The following ACACB variants were observed in gnomAD, a reference collection of about 807,000 sequenced individuals.
ACACB encodes acetyl-CoA carboxylase beta.
A neutral mutation model predicts 278.8 loss-of-function variants in ACACB; 209 were observed. The observed-to-expected ratio is 0.75, with a 90% CI of 0.67 to 0.84. ACACB has a LOEUF of 0.84. ACACB is among the 40% of genes least tolerant of loss of function. The pLI, the probability that ACACB is intolerant of heterozygous loss-of-function variation, is 0.00. For synonymous variants in ACACB, 1,174 were observed against 1,285.6 expected (o/e 0.91, Z 1.86); for missense variants, 2,850 against 3,269.0 (o/e 0.87, Z 3.13).
At chr12:109,114,946 C>T (rs2042374645), upstream of ACACB, among the ~76,000 whole-genome samples, 1 of 152,088 alleles carries the variant, frequency 6.6e-6, no homozygotes, top group South Asian at 2.1e-4. Context: ...TTTCTATTAC[C>T]GTTCTTGTGT....
rs1391174151 is a variant in ACACB, at chr12:109,232,793, G to A, written c.4126G>A (p.Glu1376Lys). ...AGCCATGGTAGCCTTCAGGAGATTC[G>A]AGGACTTCACCAGGTACCCAGCATG... Reference protein sequence around the residue: ...MGAMVAFRRFEDFTRNFDEVI... With the variant: ...MGAMVAFRRFKDFTRNFDEVI... The change falls in exon 29 of 53, where the codon GAG (glutamate) becomes AAG (lysine). Residue 1376 changes from glutamate (E) to lysine (K), a missense_variant. By Grantham distance (56) the Glu-to-Lys change is moderately conservative. This residue lies in a region of ACACB where 2,265 missense variants were observed against 2,561.3 expected (regional missense o/e 0.88). Transcript: ENST00000338432. The A allele has an allele frequency of 1.5e-5, 24 of 1,614,046 alleles. No individual in the cohort carries two copies. The highest frequency in any genetic ancestry group is 1.9e-5 in the Non-Finnish European group (23 of 1,180,024).
At chr12:109,191,518 C>T in intron 13 of ACACB, 95 bp from the exon 14 acceptor site, 2 of 1,525,774 alleles carry the variant, frequency 1.3e-6, no homozygotes, top group Non-Finnish European at 8.9e-7. Flanking sequence ...CCGGCCACTC[C>T]TGTGCTTTTC....
Position 109,167,834 on chromosome 12 carries a change from G to A in ACACB, c.787-62G>A. 2.5e-6 allele frequency: 4 copies of A among 1,611,174 alleles called. No homozygotes were observed. In the African/African-American group the frequency reaches 4.0e-5, roughly 16 times the overall value. On this transcript the variant is annotated intron_variant, in intron 3 of 52. Coordinates refer to ENST00000338432, the MANE Select transcript of ACACB (RefSeq NM_001093.4). ...GCAGCTGTGAGGTGGACTCGGGGTA[G>A]CACGTGGCCCCCAGCGCAGGTAGAT...
intron 11 of ACACB, among the ~76,000 whole-genome samples, chr12:109,180,904 A>G (rs1468292935): frequency 6.6e-6 from 1 of 152,218 alleles, no homozygotes; most frequent in East Asian, 1.9e-4. Context: ...ACTATATCAA[A>G]TAGCAGGCCG....
At chr12:109,245,896 C>T in intron 38 of ACACB, 148 bp downstream of exon 38, 1 of 1,033,446 alleles carries the variant, frequency 9.7e-7, no homozygotes, top group Non-Finnish European at 1.4e-6. Context: ...CAAGACCAGC[C>T]TGGGCTACAT....
intron 13 of ACACB, chr12:109,191,380 A>C (rs756103457): frequency 2.3e-5 from 9 of 398,796 alleles, no homozygotes; most frequent in Non-Finnish European, 3.8e-5. Flanking sequence ...TGCTGAGCTA[A>C]GTTTTGTATT....
At chr12:109,187,128 C>A (rs543970722) in intron 12 of ACACB, among the ~76,000 whole-genome samples, 11 of 145,644 alleles carry the variant, frequency 7.6e-5, no homozygotes, top group African/African-American at 2.8e-4. Flanking sequence ...TGAGGAAGGA[C>A]GAAGGGAGAG....
At chr12:109,212,759 G>C in intron 21 of ACACB, 77 bp from the exon 22 acceptor site, 2 of 1,254,868 alleles carry the variant, frequency 1.6e-6, no homozygotes, top group Non-Finnish European at 2.3e-6. Flanking sequence ...GTACTGGTTT[G>C]GGGACCCTTT....
chr12:109,242,717 G>A (rs1408699689), intron 37 of ACACB, 125 bp downstream of exon 37: 3 of 1,204,144 alleles, frequency 2.5e-6, no homozygotes, highest in Non-Finnish European at 2.3e-6. Flanking sequence ...GCCAGGTGCG[G>A]TGGCTCACGC....
At position 109,212,920 on chromosome 12, in the gene ACACB, G is replaced by A. The variant is rs373495005; in HGVS notation, c.3334G>A (p.Val1112Met). 4.3e-5 allele frequency: 69 copies of A among 1,613,960 alleles called. No homozygotes were observed. The highest frequency in any genetic ancestry group is 9.3e-5 in the African/African-American group (7 of 74,928). ...CTTCTTCATCAACACCCAGAGCATC[G>A]TGCAGTTGGTCCAGAGGTGAATCCT... Reference protein sequence around the residue: ...EVFFINTQSIVQLVQRYRSGI... With the variant: ...EVFFINTQSIMQLVQRYRSGI... Residue 1112 changes from valine (V) to methionine (M), a missense_variant, in exon 22 of 53, where the codon GTG (valine) becomes ATG (methionine). Val to Met is a conservative substitution (Grantham distance 21, BLOSUM62 1). Around this residue, in one of 3 missense-constraint regions of ACACB, gnomAD observed 2,265 missense variants for 2,561.3 expected, o/e 0.88. Transcript: ENST00000338432.
At position 109,206,428 on chromosome 12, in the gene ACACB, C is replaced by CAAAAAAAAAAAAAAAAAAAAA. The variant is rs35315851; in HGVS notation, c.2914-266_2914-265insAAAAAAAAAAAAAAAAAAAAA. Among the ~76,000 whole-genome samples the CAAAAAAAAAAAAAAAAAAAAA allele has an allele frequency of 1.2e-4, 11 of 89,754 alleles. 1 individual carries two copies. Among genetic ancestry groups the CAAAAAAAAAAAAAAAAAAAAA allele is most frequent in the Non-Finnish European group, 1.7e-4 (8 of 47,086 alleles). The allele number at this position is 89,754 out of a possible 152,430, so 58.9% of individuals were successfully genotyped here. On this transcript the variant is annotated intron_variant, in intron 19 of 52. Transcript: ENST00000338432. ...CAGCCTGGGGACAATGCGAGTGTCT[C>CAAAAAAAAAAAAAAAAAAAAA]AAAAAAAAAAAAAAAACAGATCTCA...
chr12:109,248,720 G>C (rs2047016131), intron 40 of ACACB, among the ~76,000 whole-genome samples: 1 of 152,156 alleles, frequency 6.6e-6, no homozygotes, highest in South Asian at 2.1e-4. Context: ...TCCTCTCCCA[G>C]TCCACTGACT....
rs144179881 is a variant in ACACB, at chr12:109,219,416, A to T, written c.3564+2496A>T. Among the ~76,000 whole-genome samples the T allele has an allele frequency of 8.5e-3, 1,289 of 152,330 alleles. 17 individuals are homozygous for T. Among genetic ancestry groups the T allele is most frequent in the African/African-American group, 0.027 (1,121 of 41,564 alleles). ...CCTAGGGGGTGGGGAGACTTAAAAA[A>T]TACAATTGCCCATGCCCCACCCTTG... On this transcript the variant is annotated intron_variant, in intron 24 of 52. Coordinates refer to ENST00000338432, the MANE Select transcript of ACACB (RefSeq NM_001093.4).
At chr12:109,260,696 G>A in intron 48 of ACACB, 39 bp downstream of exon 48, 1 of 1,499,402 alleles carries the variant, frequency 6.7e-7, no homozygotes, top group Non-Finnish European at 8.9e-7. Flanking sequence ...GCCTTTTCTT[G>A]TTCTCCCAGC....
intron 2 of ACACB, among the ~76,000 whole-genome samples, chr12:109,166,649 C>CGAAAA (rs2043906696): frequency 4.0e-5 from 1 of 25,062 alleles, no homozygotes; most frequent in African/African-American, 1.8e-4. Context: ...GATCCCGTCT[C>CGAAAA]AAAAAAAAAA....
intron 9 of ACACB, among the ~76,000 whole-genome samples, chr12:109,176,782 C>A (rs2044295385): frequency 6.6e-6 from 1 of 152,060 alleles, no homozygotes; most frequent in Non-Finnish European, 1.5e-5. Flanking sequence ...ACACGCAGCT[C>A]ATTTTTGTCT....
chr12:109,261,155 C>A (rs1489409279), intron 48 of ACACB, among the ~76,000 whole-genome samples: 1 of 152,166 alleles, frequency 6.6e-6, no homozygotes, highest in Non-Finnish European at 1.5e-5. Context: ...CAATAATGTT[C>A]ACAGCACAGT....
At chr12:109,133,617 T>C (rs2042885844) in intron 1 of ACACB, among the ~76,000 whole-genome samples, 1 of 152,006 alleles carries the variant, frequency 6.6e-6, no homozygotes, top group Non-Finnish European at 1.5e-5. Context: ...ATGCACCTGC[T>C]GTTTCTTATA....
At chr12:109,236,387 T>A (rs1219911920) in intron 33 of ACACB, 1 of 152,350 alleles carries the variant, frequency 6.6e-6, no homozygotes, top group African/African-American at 2.4e-5. Flanking sequence ...TTCCAAACTG[T>A]TTTTCTTATG....
Sources: allele counts gnomAD v4.1 joint callset (sites outside exome capture counted in the v4.1 genomes callset), GRCh38; gene constraint gnomAD v4.1.1; regional missense constraint gnomAD v4.1.1; transcripts MANE v1.5; gene names NCBI Gene and HGNC (gene_info 2026-07-23, HGNC 2026-07-21).